EYS: variants seen among roughly 807,000 people sequenced by gnomAD.
EYS encodes the protein protein eyes shut homolog.
In EYS, 250 loss-of-function variants were observed where a neutral mutation model predicts 282.1. The observed-to-expected ratio is 0.89, with a 90% CI of 0.80 to 0.98. The LOEUF (loss-of-function observed/expected upper bound fraction) is 0.98, where lower values mean the gene tolerates loss of function less well. Among genes scored for constraint, EYS ranks in the 50% least tolerant of loss-of-function variants. The pLI is 0.00. For missense variants in EYS, 4,016 were observed against 3,709.0 expected (o/e 1.08, Z -2.15); for synonymous variants, 1,355 against 1,282.9 (o/e 1.06, Z -1.20).
At chr6:64,670,785 C>G (rs1769428830) in intron 22 of EYS, among the ~76,000 whole-genome samples, 1 of 152,138 alleles carries the variant, frequency 6.6e-6, no homozygotes, top group Non-Finnish European at 1.5e-5. Context: ...TTCCCAGGCT[C>G]TACATTGCTC....
intron 35 of EYS, among the ~76,000 whole-genome samples, chr6:63,922,625 C>T (rs1001669412): frequency 4.6e-5 from 7 of 152,080 alleles, no homozygotes; most frequent in East Asian, 1.9e-4. Flanking sequence ...AAAAGGACTA[C>T]GCTATAATGA....
Position 63,937,345 on chromosome 6 carries a change from C to CTTTTTTTTTTT in EYS, c.7055+47027_7055+47037dup, listed in dbSNP as rs778809745. 4.4e-4 allele frequency among the ~76,000 whole-genome samples: 24 copies of CTTTTTTTTTTT among 54,448 alleles called. 3 individuals are homozygous for CTTTTTTTTTTT. The highest frequency in any genetic ancestry group is 7.0e-4 in the Non-Finnish European group (20 of 28,404). The allele number at this position is 54,448 out of a possible 152,430, so 35.7% of individuals were successfully genotyped here. On this transcript the variant is annotated intron_variant, in intron 35 of 42. Coordinates refer to ENST00000503581, the MANE Select transcript of EYS (RefSeq NM_001142800.2). ...CAAATTTTCTAGGCTTCTCTCTTTT[C>CTTTTTTTTTTT]TTTTTTTTTTTTTTTTTTTTTTTTT...
At position 65,296,044 on chromosome 6, in the gene EYS, T is replaced by C. The variant is rs760328188; in HGVS notation, c.1842A>G (p.Ile614Met). Reference protein sequence around the residue: ...NVDYCLGNHSISVHGLCLALS... With the variant: ...NVDYCLGNHSMSVHGLCLALS... ...GGGCCAGGCAGAGGCCATGCACTGA[T>C]ATACTGTGGTTCCCTAAGCAATAGT... is the stretch of plus-strand genomic sequence containing the variant. Residue 614 changes from isoleucine to methionine, a missense_variant, in exon 12 of 43, where the codon ATA (isoleucine) becomes ATG (methionine). By Grantham distance (10) the Ile-to-Met change is conservative. Coordinates refer to ENST00000503581, the MANE Select transcript of EYS (RefSeq NM_001142800.2). The C allele has an allele frequency of 3.9e-6, 6 of 1,551,014 alleles. No homozygotes were observed. In the South Asian group the frequency reaches 6.0e-5, roughly 15 times the overall value.
chr6:65,265,012 A>G (rs891471348), intron 12 of EYS, among the ~76,000 whole-genome samples: 2 of 152,046 alleles, frequency 1.3e-5, no homozygotes, highest in Non-Finnish European at 2.9e-5. Flanking sequence ...AAAAGTTCAG[A>G]AAGATTTTAA....
chr6:64,318,237 T>C (rs1247970161), intron 29 of EYS, among the ~76,000 whole-genome samples: 3 of 152,074 alleles, frequency 2.0e-5, no homozygotes, highest in Non-Finnish European at 4.4e-5. Context: ...CATTTCTAAA[T>C]ATATCTTCAA....
At chr6:64,345,119 A>G (rs1266149093) in intron 29 of EYS, among the ~76,000 whole-genome samples, 2 of 152,190 alleles carry the variant, frequency 1.3e-5, no homozygotes, top group African/African-American at 4.8e-5. Flanking sequence ...AAATGGCCAT[A>G]CTGCCCAAAG....
At chr6:63,735,477 T>C (rs1178498668) in intron 41 of EYS, among the ~76,000 whole-genome samples, 2 of 150,278 alleles carry the variant, frequency 1.3e-5, no homozygotes, top group East Asian at 2.0e-4. Flanking sequence ...TCTTCCTGTG[T>C]CTCTGTCTGT....
At chr6:65,648,824 T>C (rs1287172589) in intron 1 of EYS, among the ~76,000 whole-genome samples, 1 of 152,124 alleles carries the variant, frequency 6.6e-6, no homozygotes, top group Non-Finnish European at 1.5e-5. Flanking sequence ...CCTAGGCTTT[T>C]ACACATGTAA....
intron 22 of EYS, among the ~76,000 whole-genome samples, chr6:64,644,320 A>AT (rs5876911): frequency 0.98 from 149,462 of 152,074 alleles, 73,488 homozygotes; most frequent in South Asian, 1. Flanking sequence ...GGCAGAGTTA[A>AT]TTTTTTTACT....
chr6:63,915,215 C>A (rs576106001), intron 35 of EYS, among the ~76,000 whole-genome samples: 19 of 152,276 alleles, frequency 1.2e-4, no homozygotes, highest in Non-Finnish European at 2.1e-4. Flanking sequence ...GAAGCCAATG[C>A]TCATTTACCA....
At chr6:64,904,616 G>C (rs1583279825) in intron 16 of EYS, among the ~76,000 whole-genome samples, 1 of 152,232 alleles carries the variant, frequency 6.6e-6, no homozygotes, top group East Asian at 1.9e-4. Context: ...TCTACTTTAA[G>C]TCTGGTTAGT....
intron 13 of EYS, among the ~76,000 whole-genome samples, chr6:65,003,895 C>T (rs781031611): frequency 6.8e-6 from 1 of 147,304 alleles, no homozygotes; most frequent in Admixed American, 6.8e-5. Flanking sequence ...CAGCCACATT[C>T]TGTATATAAT....
chr6:64,329,592 C>T (rs890986880), intron 29 of EYS, among the ~76,000 whole-genome samples: 1 of 152,010 alleles, frequency 6.6e-6, no homozygotes, highest in Non-Finnish European at 1.5e-5. Context: ...AAATCAGGCA[C>T]CCGTAGTGGT....
intron 12 of EYS, among the ~76,000 whole-genome samples, chr6:65,218,572 G>T (rs910144037): frequency 1.3e-5 from 2 of 152,046 alleles, no homozygotes; most frequent in Non-Finnish European, 2.9e-5. Flanking sequence ...TTTGCCATTT[G>T]TCATGAGAAG....
rs116326069 is a variant in EYS at position 64,759,751 on chromosome 6, G to T, written c.3443+53627C>A. Among the ~76,000 whole-genome samples, 410 of 152,164 alleles carry T rather than the reference G, an allele frequency of 2.7e-3. 2 individuals are homozygous for T. The highest frequency in any genetic ancestry group is 9.3e-3 in the African/African-American group (387 of 41,526). On this transcript the variant is annotated intron_variant, in intron 22 of 42. Coordinates refer to ENST00000503581, the MANE Select transcript of EYS (RefSeq NM_001142800.2). ...GAATTATTTTTAAGAACAATCAAGA[G>T]AAAATATTAACAATTAGCAAAGAGT... is the stretch of plus-strand genomic sequence containing the variant.
intron 2 of EYS, among the ~76,000 whole-genome samples, chr6:65,575,685 GACTA>G (rs1764639666): frequency 6.6e-6 from 1 of 151,562 alleles, no homozygotes; most frequent in Admixed American, 6.6e-5. Flanking sequence ...AAACAAAATT[GACTA>G]ACTTTTAGCT....
chr6:64,551,203 CAT>C (rs112621961), intron 26 of EYS, among the ~76,000 whole-genome samples: 1,899 of 147,726 alleles, frequency 0.013, 41 homozygotes, highest in African/African-American at 0.042. Flanking sequence ...TATATACACA[CAT>C]ATATATATAT....
In EYS at chr6:64,750,907, G is replaced by T. The variant is rs898242135; in HGVS notation, c.3443+62471C>A. ...GAGAGGGGCAGAGTCCCCCTGAGCT[G>T]CCCCTCCCTTCCCATGCCAAGAACT... On this transcript the variant is annotated intron_variant, in intron 22 of 42. Coordinates refer to ENST00000503581, the MANE Select transcript of EYS (RefSeq NM_001142800.2). 2.0e-5 allele frequency among the ~76,000 whole-genome samples: 3 copies of T among 152,172 alleles called. No individual in the cohort carries two copies. The South Asian group carries it at 6.2e-4, about 32-fold the overall frequency.
chr6:63,927,121 G>C (rs1451515808), intron 35 of EYS, among the ~76,000 whole-genome samples: 3 of 152,170 alleles, frequency 2.0e-5, no homozygotes, highest in African/African-American at 2.4e-5. Flanking sequence ...GCTCTTAATA[G>C]CTGTGTGATG....
Sources: gnomAD v4.1 joint callset for allele counts (sites outside exome capture counted in the v4.1 genomes callset) on GRCh38, gnomAD v4.1.1 for gene constraint, MANE v1.5 for transcripts, NCBI Gene and HGNC (gene_info 2026-07-23, HGNC 2026-07-21) for gene names.